Variants in RASAL3 observed in about 807,000 individuals in gnomAD.
RASAL3 encodes the protein RAS protein activator like 3, also known as RAS protein activator like-3.
RASAL3 carries 74 observed loss-of-function variants against 105.5 expected under a neutral mutation model. The observed-to-expected ratio is 0.70, with a 90% CI of 0.58 to 0.85. The LOEUF (loss-of-function observed/expected upper bound fraction) is 0.85. Among genes scored for constraint, RASAL3 ranks in the 40% least tolerant of loss-of-function variants. The pLI, the probability that RASAL3 is intolerant of heterozygous loss-of-function variation, is 0.00. For synonymous variants in RASAL3, 579 were observed against 591.6 expected (o/e 0.98, Z 0.31); for missense variants, 1,352 against 1,392.0 (o/e 0.97, Z 0.46).
chr19:15,453,837 T>A lies in RASAL3; in HGVS notation c.2279+312A>T, dbSNP rs558104183. Among the ~76,000 whole-genome samples the A allele has an allele frequency of 6.6e-6, 1 of 151,862 alleles. No homozygotes were observed. The highest frequency in any genetic ancestry group is 2.1e-4 in the South Asian group (1 of 4,798). On this transcript the variant is annotated intron_variant, in intron 14 of 17. Coordinates refer to ENST00000343625, the MANE Select transcript of RASAL3 (RefSeq NM_022904.3). This position sits in a 1 kb window ranked among gnomAD's most constrained non-coding sequence, Gnocchi z 4.2. ...GTCTTAAGTTCCTGGCCTCAAGTGA[T>A]CCTCCTGCCTCAGCCTCCCAAAGTG...
chr19:15,461,311 G>A lies in RASAL3; in HGVS notation c.466-15C>T. On this transcript the variant is annotated splice_polypyrimidine_tract_variant and intron_variant, in intron 3 of 17. Coordinates refer to ENST00000343625, the MANE Select transcript of RASAL3 (RefSeq NM_022904.3). The stretch of plus-strand genomic sequence containing the variant: ...CTTCGAGGACCCTGTTCTCCCGCAG[G>A]AGTGGGTAGTCAGAGAGGGGAGGCA... 6.2e-7 allele frequency: 1 copy of A among 1,610,708 alleles called. No homozygotes were observed. Among genetic ancestry groups the A allele is most frequent in the South Asian group, 1.1e-5 (1 of 90,616 alleles).
At position 15,451,899 on chromosome 19, in the gene RASAL3, G is replaced by A. The variant is rs1319549276; in HGVS notation, c.2932C>T (p.Leu978=). 2 of 1,608,572 alleles carry A rather than the reference G, an allele frequency of 1.2e-6. No homozygotes were observed. Among genetic ancestry groups the A allele is most frequent in the Non-Finnish European group, 8.5e-7 (1 of 1,175,424 alleles). Residue 978 remains leucine (L), a synonymous_variant, in exon 18 of 18, where the codon CTG becomes TTG. Transcript: ENST00000343625. ...LNEMERTQAQ[L]RDAVQSLQLS... ...TGCAGGCTCTGGACAGCATCCCTCA[G>A]CTGAGCCTGAGTTCTCTCCATCTCA...
At chr19:15,461,421 C>T (rs1055713679) in intron 3 of RASAL3, 50 bp downstream of exon 3, 1 of 1,535,114 alleles carries the variant, frequency 6.5e-7, no homozygotes, top group African/African-American at 1.4e-5. Context: ...GTTCTGCCCT[C>T]CTCCTTTTTC....
chr19:15,459,239 C>CTATTTAGTTATT (rs1555719988), intron 6 of RASAL3, among the ~76,000 whole-genome samples: 1 of 144,544 alleles, frequency 6.9e-6, no homozygotes, highest in Non-Finnish European at 1.5e-5. Flanking sequence ...GTGCCCAGCC[C>CTATTTAGTTATT]TATTTATTTA....
At chr19:15,463,456 C>T (rs1224339483) in intron 2 of RASAL3, among the ~76,000 whole-genome samples, 1 of 152,150 alleles carries the variant, frequency 6.6e-6, no homozygotes, top group Non-Finnish European at 1.5e-5. Context: ...CTCCATGGGG[C>T]AGGGAGGGTC....
Position 15,453,207 on chromosome 19 carries a change from G to C in RASAL3, c.2570C>G (p.Ser857Cys). The change falls in exon 15 of 18, where the codon TCC becomes TGC. Residue 857 changes from serine to cysteine, a missense_variant. This residue lies in a region of RASAL3 where 920 missense variants were observed against 919.6 expected (regional missense o/e 1.00). Coordinates refer to ENST00000343625, the MANE Select transcript of RASAL3 (RefSeq NM_022904.3). This position sits in a 1 kb window ranked among gnomAD's most constrained non-coding sequence, Gnocchi z 4.2. The part of the protein sequence containing the change: ...APRARPWTRD[S>C]ASLPRKPSVP... ...CGACGGCTTCCGAGGCAGCGAGGCG[G>C]AGTCCCGGGTCCAAGGCCGGGCGCG... is the stretch of plus-strand genomic sequence containing the variant. 1 of 1,610,076 alleles carries C rather than the reference G, an allele frequency of 6.2e-7. No homozygotes were observed. The highest frequency in any genetic ancestry group is 8.5e-7 in the Non-Finnish European group (1 of 1,178,562).
In RASAL3 at chr19:15,457,309, C is replaced by T; in HGVS notation, c.1414G>A (p.Ala472Thr). The stretch of plus-strand genomic sequence containing the variant: ...TGCCGCACCTGCGCCCGGCCGGTGG[C>T]CCGCAGCACGCGCACCATGGCTGCC... ...LAAAMVRVLR[A>T]TGRAQALVTD... The change falls in exon 9 of 18, where the codon GCC becomes ACC. Residue 472 changes from alanine (A) to threonine (T), a missense_variant. Transcript: ENST00000343625. The surrounding 1 kb of genome is among the most constrained non-coding windows in gnomAD (Gnocchi z 8.6). The T allele has an allele frequency of 7.6e-7, 1 of 1,310,846 alleles. No homozygotes were observed. 81.2% of individuals were successfully genotyped at this position (1,310,846 alleles called of 1,614,324 possible). A position where few individuals can be genotyped will look rare whatever the true frequency, so the allele number is the denominator to read the frequency against.
Position 15,461,104 on chromosome 19 carries a change from T to G in RASAL3, c.562A>C (p.Thr188Pro). Reference sequence around the variant, plus strand: ...TTGGGACCAGCAGTCTCCGGTTCTGTTTTTCCAGGCATCCGATCTGTGGGT... The same window carrying G: ...TTGGGACCAGCAGTCTCCGGTTCTGGTTTTCCAGGCATCCGATCTGTGGGT... ...FRDPDRMPGK[T>P]EPETAGPNQV... The change falls in exon 5 of 18, where the codon ACA (threonine) becomes CCA (proline). Residue 188 changes from threonine to proline, a missense_variant. Physicochemically the swap from Thr to Pro is conservative, Grantham distance 38. This residue lies in a region of RASAL3 where 344 missense variants were observed against 339.6 expected (regional missense o/e 1.01). Coordinates refer to ENST00000343625, the MANE Select transcript of RASAL3 (RefSeq NM_022904.3). 1 of 1,613,792 alleles carries G rather than the reference T, an allele frequency of 6.2e-7. No individual in the cohort carries two copies. Among genetic ancestry groups the G allele is most frequent in the Non-Finnish European group, 8.5e-7 (1 of 1,179,814 alleles).
chr19:15,451,973 G>T, intron 17 of RASAL3, 35 bp from the exon 18 acceptor site: 1 of 1,613,150 alleles, frequency 6.2e-7, no homozygotes, highest in Non-Finnish European at 8.5e-7. Flanking sequence ...TCAGAAACCA[G>T]GAGAGGGCTG....
Position 15,453,247 on chromosome 19 carries a change from T to G in RASAL3, c.2530A>C (p.Met844Leu). The G allele has an allele frequency of 6.3e-7, 1 of 1,587,904 alleles. No homozygotes were observed. Among genetic ancestry groups the G allele is most frequent in the Non-Finnish European group, 8.6e-7 (1 of 1,169,038 alleles). Residue 844 changes from methionine to leucine, a missense_variant, in exon 15 of 18, where the codon ATG becomes CTG. This residue lies in a region of RASAL3 where 920 missense variants were observed against 919.6 expected (regional missense o/e 1.00). Coordinates refer to ENST00000343625, the MANE Select transcript of RASAL3 (RefSeq NM_022904.3). The surrounding 1 kb of genome is among the most constrained non-coding windows in gnomAD (Gnocchi z 4.2). ...GGCCGGGCGCGGGGCGCTGGTCCCA[T>G]GCTCAGGGAGCCTTTGGGTCGCGGC... ...PWPRPKGSLS[M>L]GPAPRARPWT...
Position 15,458,528 on chromosome 19 carries a change from C to T in RASAL3, c.789+1G>A, listed in dbSNP as rs1428428033. ...AATCGAGGTGGACTGTCTACACTTA[C>T]CTGAAAGCAGTGGGGCTCCCCCAGG... On this transcript the variant is annotated splice_donor_variant, in intron 7 of 17. Coordinates refer to ENST00000343625, the MANE Select transcript of RASAL3 (RefSeq NM_022904.3). LOFTEE classifies it high-confidence loss of function. The T allele has an allele frequency of 5.0e-6, 8 of 1,613,752 alleles. No individual in the cohort carries two copies. The highest frequency in any genetic ancestry group is 1.3e-5 in the African/African-American group (1 of 74,934).
At chr19:15,461,986 CTCTT>C (rs990342550) in intron 2 of RASAL3, among the ~76,000 whole-genome samples, 2 of 152,320 alleles carry the variant, frequency 1.3e-5, no homozygotes, top group African/African-American at 2.4e-5. Flanking sequence ...TTCTCTCTCT[CTCTT>C]TTTTTGTTTT....
intron 6 of RASAL3, 46 bp downstream of exon 6, chr19:15,460,157 G>C (rs1350849605): frequency 6.6e-7 from 1 of 1,507,222 alleles, no homozygotes; most frequent in Non-Finnish European, 9.1e-7. Context: ...GAGGAGGAGG[G>C]GCCAGTGTTG....
At chr19:15,451,979 G>A in intron 17 of RASAL3, 41 bp from the exon 18 acceptor site, 2 of 1,613,600 alleles carry the variant, frequency 1.2e-6, no homozygotes, top group Non-Finnish European at 1.7e-6. Context: ...ACCAGGAGAG[G>A]GCTGCACCGC....
Position 15,452,762 on chromosome 19 carries a change from C to G in RASAL3, c.2724G>C (p.Leu908=). ...VAALREEQKV[L]SRLVESLSTQ... ...TGCTCAGCGACTCCACGAGGCGGGA[C>G]AGCACTTTCTGCTCCTCACGCAGAG... Residue 908 remains leucine, a synonymous_variant, in exon 16 of 18, where the codon CTG becomes CTC. Coordinates refer to ENST00000343625, the MANE Select transcript of RASAL3 (RefSeq NM_022904.3). The G allele has an allele frequency of 6.4e-7, 1 of 1,563,438 alleles. No individual in the cohort carries two copies. Among genetic ancestry groups the G allele is most frequent in the South Asian group, 1.2e-5 (1 of 85,010 alleles).
At chr19:15,458,245 C>G (rs1445876519) in intron 8 of RASAL3, 83 bp downstream of exon 8, 5 of 1,327,186 alleles carry the variant, frequency 3.8e-6, no homozygotes, top group Admixed American at 2.0e-5. Flanking sequence ...GGTTATGGAG[C>G]GAGCTGGCTT....
In RASAL3 at chr19:15,452,754, A is replaced by C. The variant is rs1450538174; in HGVS notation, c.2732T>G (p.Leu911Arg). The change falls in exon 16 of 18, where the codon CTC becomes CGC. Residue 911 changes from leucine to arginine, a missense_variant. By Grantham distance (102) the Leu-to-Arg change is moderately radical. Around this residue, in one of 3 missense-constraint regions of RASAL3, gnomAD observed 920 missense variants for 919.6 expected, o/e 1.00. Transcript: ENST00000343625. ...GATTTGGGTGCTCAGCGACTCCACG[A>C]GGCGGGACAGCACTTTCTGCTCCTC... ...LREEQKVLSR[L>R]VESLSTQIRA... 4 of 1,561,728 alleles carry C rather than the reference A, an allele frequency of 2.6e-6. No homozygotes were observed. The Admixed American group carries it at 7.6e-5, about 30-fold the overall frequency.
In RASAL3 at chr19:15,454,428, C is replaced by T. The variant is rs369881144; in HGVS notation, c.2093G>A (p.Gly698Asp). 167 of 1,613,900 alleles carry T rather than the reference C, an allele frequency of 1.0e-4. No individual in the cohort carries two copies. The highest frequency in any genetic ancestry group is 1.4e-4 in the Non-Finnish European group (166 of 1,179,900). ...GACAGCTAACTGGAGGGCCAGATCA[C>T]CACTGCCCTGGTAACCACTGGGGGC... ...DAAPSGYQGS[G>D]DLALQLAVLH... Residue 698 changes from glycine to aspartate, a missense_variant, in exon 13 of 18, where the codon GGT (glycine) becomes GAT (aspartate). Transcript: ENST00000343625.
intron 2 of RASAL3, among the ~76,000 whole-genome samples, chr19:15,461,859 T>C (rs1275369437): frequency 6.6e-6 from 1 of 152,168 alleles, no homozygotes; most frequent in Non-Finnish European, 1.5e-5. Context: ...CCTTCTTGCA[T>C]TGAATCCTCC....
Sources: gnomAD v4.1 joint callset for allele counts (sites outside exome capture counted in the v4.1 genomes callset) on GRCh38, gnomAD v4.1.1 for gene constraint, gnomAD v4.1.1 regional missense constraint, Gnocchi (gnomAD v3.1) non-coding constraint, MANE v1.5 for transcripts, NCBI Gene and HGNC (gene_info 2026-07-23, HGNC 2026-07-21) for gene names.